Variants in NME7 observed in about 807,000 individuals in gnomAD.
NME7 encodes the protein NME/NM23 family member 7.
NME7 carries 41 observed loss-of-function variants against 49.1 expected under a neutral mutation model. That is an observed-to-expected ratio of 0.83 (90% CI 0.65 to 1.08). The LOEUF is 1.08. Among genes scored for constraint, NME7 ranks in the 50% least tolerant of loss-of-function variants. The pLI, the probability that NME7 is intolerant of heterozygous loss-of-function variation, is 0.00. For synonymous variants in NME7, 139 were observed against 150.6 expected (o/e 0.92, Z 0.56); for missense variants, 423 against 463.4 (o/e 0.91, Z 0.80).
At chr1:169,331,580 A>G (rs1856302) in intron 1 of NME7, among the ~76,000 whole-genome samples, 53,374 of 151,936 alleles carry the variant, frequency 0.35, 10,488 homozygotes, top group Non-Finnish European at 0.44. Context: ...AAACCTAAAG[A>G]CTCCACTGAA....
At chr1:169,139,893 G>A (rs1185595971) in intron 11 of NME7, among the ~76,000 whole-genome samples, 5 of 152,164 alleles carry the variant, frequency 3.3e-5, no homozygotes, top group African/African-American at 1.2e-4. Flanking sequence ...TGTGATCCCT[G>A]ACTGGATCCT....
At chr1:169,154,311 C>G (rs950751616) in intron 11 of NME7, among the ~76,000 whole-genome samples, 1 of 151,610 alleles carries the variant, frequency 6.6e-6, no homozygotes, top group Non-Finnish European at 1.5e-5. Flanking sequence ...CTGTGCTGGG[C>G]AGAAATGTGT....
intron 7 of NME7, among the ~76,000 whole-genome samples, chr1:169,242,924 C>G (rs1648153495): frequency 6.6e-6 from 1 of 151,862 alleles, no homozygotes; most frequent in Non-Finnish European, 1.5e-5. Flanking sequence ...AAATGAAGAG[C>G]ATACAGTGTT....
At chr1:169,138,603 C>G (rs546194987) in intron 11 of NME7, among the ~76,000 whole-genome samples, 1 of 152,216 alleles carries the variant, frequency 6.6e-6, no homozygotes, top group South Asian at 2.1e-4. Flanking sequence ...CCTGTAGTCC[C>G]AGCCGCTTGG....
chr1:169,248,995 G>A (rs999984816), intron 7 of NME7, among the ~76,000 whole-genome samples: 25 of 152,074 alleles, frequency 1.6e-4, no homozygotes, highest in African/African-American at 5.8e-4. Context: ...ATGAATTTTA[G>A]AATTGTTTTT....
rs139084300 is a variant in NME7 at position 169,152,360 on chromosome 1, C to T, written c.1098+17087G>A. Among the ~76,000 whole-genome samples, 1,341 of 152,282 alleles carry T rather than the reference C, an allele frequency of 8.8e-3. 13 individuals carry two copies. The highest frequency in any genetic ancestry group is 0.014 in the Non-Finnish European group (944 of 68,028). On this transcript the variant is annotated intron_variant, in intron 11 of 11. Coordinates refer to ENST00000367811, the MANE Select transcript of NME7 (RefSeq NM_013330.5). ...TATTATTCCCACCATAAAGATGAGG[C>T]AATTCAGGCACAAGAGTTTAACCTG... is the stretch of plus-strand genomic sequence containing the variant.
At chr1:169,274,472 T>G (rs1459007408) in intron 7 of NME7, among the ~76,000 whole-genome samples, 1 of 133,990 alleles carries the variant, frequency 7.5e-6, no homozygotes, top group East Asian at 2.0e-4. Context: ...TTAGTTTAAT[T>G]AGATCCCATC....
chr1:169,133,864 G>A (rs1213402446), intron 11 of NME7, among the ~76,000 whole-genome samples: 2 of 152,190 alleles, frequency 1.3e-5, no homozygotes, highest in African/African-American at 2.4e-5. Flanking sequence ...AGGGAATGGG[G>A]CTTTAGGTCT....
intron 4 of NME7, chr1:169,303,455 C>CTTTTTTTTTTTTTTTTTTT (rs969800387): frequency 8.8e-6 from 1 of 113,098 alleles, no homozygotes; most frequent in Non-Finnish European, 1.8e-5. Context: ...CTATCTTCTT[C>CTTTTTTTTTTTTTTTTTTT]TTTTTTTTTT....
At chr1:169,260,140 A>T (rs1172299283) in intron 7 of NME7, among the ~76,000 whole-genome samples, 1 of 133,762 alleles carries the variant, frequency 7.5e-6, no homozygotes, top group Non-Finnish European at 1.8e-5. Flanking sequence ...AACTAAAATA[A>T]GTTAGAACTT....
chr1:169,332,103 T>A (rs1652278417), intron 1 of NME7, among the ~76,000 whole-genome samples: 1 of 152,094 alleles, frequency 6.6e-6, no homozygotes, highest in Non-Finnish European at 1.5e-5. Context: ...AACATCATGG[T>A]ACTGACATAA....
intron 7 of NME7, among the ~76,000 whole-genome samples, chr1:169,282,642 T>C (rs866798535): frequency 1.3e-5 from 2 of 152,334 alleles, no homozygotes; most frequent in African/African-American, 4.8e-5. Context: ...GATTCTGGTA[T>C]GATGTATCTT....
intron 10 of NME7, chr1:169,190,624 GTTTGA>G (rs1008549839): frequency 2.3e-5 from 10 of 426,450 alleles, no homozygotes; most frequent in African/African-American, 1.7e-4. Flanking sequence ...ATTTAAAAAT[GTTTGA>G]TTTTAATACT....
intron 1 of NME7, among the ~76,000 whole-genome samples, chr1:169,325,729 G>A (rs1388974807): frequency 1.3e-5 from 2 of 152,072 alleles, no homozygotes; most frequent in East Asian, 3.9e-4. Context: ...TAGAAGTTGT[G>A]TGTCTAATGA....
intron 1 of NME7, among the ~76,000 whole-genome samples, chr1:169,343,313 C>G (rs571449621): frequency 6.6e-6 from 1 of 152,036 alleles, no homozygotes; most frequent in South Asian, 2.1e-4. Flanking sequence ...GTCGAAATTG[C>G]TCTTTCTACA....
chr1:169,247,235 GAAGTCTA>G (rs1336222790), intron 7 of NME7, among the ~76,000 whole-genome samples: 1 of 152,224 alleles, frequency 6.6e-6, no homozygotes. Context: ...TAGGTCATAT[GAAGTCTA>G]AAGTCAAAGT....
intron 3 of NME7, among the ~76,000 whole-genome samples, chr1:169,321,742 G>A (rs1651857215): frequency 6.6e-6 from 1 of 152,152 alleles, no homozygotes; most frequent in African/African-American, 2.4e-5. Context: ...GGAAGTCACA[G>A]AAAGAGATAT....
rs1571343554 is a variant in NME7, at chr1:169,272,978, T to C, written c.754+14325A>G. On this transcript the variant is annotated intron_variant, in intron 7 of 11. Coordinates refer to ENST00000367811, the MANE Select transcript of NME7 (RefSeq NM_013330.5). ...CAACGGCTGTTTCTTGACTTTTCAA[T>C]GATCACCATTCGAACTGGCGTGAGA... Among the ~76,000 whole-genome samples, 3 of 133,984 alleles carry C rather than the reference T, an allele frequency of 2.2e-5. 1 individual carries two copies. The South Asian group carries it at 6.9e-4, about 31-fold the overall frequency. The allele number at this position is 133,984 out of a possible 152,430, so 87.9% of individuals were successfully genotyped here. A position where few individuals can be genotyped will look rare whatever the true frequency, so the allele number is the denominator to read the frequency against.
chr1:169,233,244 AT>A (rs1303448550), intron 9 of NME7, among the ~76,000 whole-genome samples: 1 of 152,172 alleles, frequency 6.6e-6, no homozygotes, highest in African/African-American at 2.4e-5. Flanking sequence ...TTAGCTCTCT[AT>A]ATAAAGCTGT....
Sources: allele counts gnomAD v4.1 joint callset (sites outside exome capture counted in the v4.1 genomes callset), GRCh38; gene constraint gnomAD v4.1.1; transcripts MANE v1.5; gene names NCBI Gene and HGNC (gene_info 2026-07-23, HGNC 2026-07-21).